Variants in NTNG1 observed in about 807,000 individuals in gnomAD.
NTNG1 encodes netrin G1.
In NTNG1, 16 loss-of-function variants were observed where a neutral mutation model predicts 54.0. The ratio of observed to expected loss-of-function variants is 0.30; its 90% CI spans 0.20 to 0.45. The LOEUF (loss-of-function observed/expected upper bound fraction) is 0.45. Among genes scored for constraint, NTNG1 ranks in the 20% least tolerant of loss-of-function variants. The pLI, the probability that NTNG1 is intolerant of heterozygous loss-of-function variation, is 1.00. For missense variants in NTNG1, 530 were observed against 678.7 expected, an observed-to-expected ratio of 0.78 and a Z score of 2.43; for synonymous variants, 255 against 263.1, an observed-to-expected ratio of 0.97 and a Z score of 0.30.
At chr1:107,176,410 C>T (rs545940930) in intron 2 of NTNG1, among the ~76,000 whole-genome samples, 3 of 152,246 alleles carry the variant, frequency 2.0e-5, no homozygotes, top group East Asian at 1.9e-4. Context: ...GGAATAAGTT[C>T]GCTGAATTAA....
intron 2 of NTNG1, among the ~76,000 whole-genome samples, chr1:107,268,743 T>G (rs1663930074): frequency 6.6e-6 from 1 of 152,186 alleles, no homozygotes; most frequent in African/African-American, 2.4e-5. Context: ...AAATGTCCAA[T>G]TCCCACCTCC....
chr1:107,289,014 C>A (rs1278471906), intron 2 of NTNG1, among the ~76,000 whole-genome samples: 1 of 152,122 alleles, frequency 6.6e-6, no homozygotes, highest in East Asian at 1.9e-4. Context: ...CCATTGACCT[C>A]ATGATTATTT....
At chr1:107,165,037 G>A (rs1208990919) in intron 2 of NTNG1, among the ~76,000 whole-genome samples, 1 of 152,084 alleles carries the variant, frequency 6.6e-6, no homozygotes, top group African/African-American at 2.4e-5. Flanking sequence ...AGTTTGGCGG[G>A]AAGGGCGGTT....
At chr1:107,248,190 G>T (rs1304177101) in intron 2 of NTNG1, among the ~76,000 whole-genome samples, 3 of 152,120 alleles carry the variant, frequency 2.0e-5, no homozygotes, top group Admixed American at 6.5e-5. Flanking sequence ...AAGTTTTCAG[G>T]CCTCTTGGCA....
Position 107,397,581 on chromosome 1 carries a change from T to C in NTNG1, c.1060+2255T>C, listed in dbSNP as rs562380459. 4.6e-5 allele frequency among the ~76,000 whole-genome samples: 7 copies of C among 152,282 alleles called. No individual in the cohort carries two copies. In the South Asian group the frequency reaches 1.2e-3, roughly 27 times the overall value. ...TTATTACCTCCTGTGGATTTTTAGA[T>C]GGTTGACTAAGCTAACGCATGTCAT... On this transcript the variant is annotated intron_variant, in intron 4 of 7. Coordinates refer to ENST00000370068, the MANE Select transcript of NTNG1 (RefSeq NM_001113226.3).
intron 3 of NTNG1, among the ~76,000 whole-genome samples, chr1:107,387,980 T>TA (rs1294995212): frequency 6.6e-6 from 1 of 152,222 alleles, no homozygotes; most frequent in African/African-American, 2.4e-5. Flanking sequence ...CCTACTTTGT[T>TA]ATATTGTCAT....
intron 3 of NTNG1, among the ~76,000 whole-genome samples, chr1:107,346,604 GA>G (rs1377401112): frequency 6.6e-6 from 1 of 152,050 alleles, no homozygotes; most frequent in Admixed American, 6.6e-5. Context: ...CAAAACAAGT[GA>G]AAAATTTATA....
At chr1:107,230,300 G>A (rs1323953984) in intron 2 of NTNG1, among the ~76,000 whole-genome samples, 1 of 152,260 alleles carries the variant, frequency 6.6e-6, no homozygotes, top group East Asian at 1.9e-4. Context: ...ATGCGGGTGG[G>A]GGAAAAGACA....
At chr1:107,441,389 G>C (rs181561175) in intron 7 of NTNG1, among the ~76,000 whole-genome samples, 1 of 152,040 alleles carries the variant, frequency 6.6e-6, no homozygotes, top group Non-Finnish European at 1.5e-5. Flanking sequence ...GAATACTAAT[G>C]GTACTTTCAG....
chr1:107,402,778 G>A (rs963917688), intron 4 of NTNG1, among the ~76,000 whole-genome samples: 1 of 152,046 alleles, frequency 6.6e-6, no homozygotes, highest in African/African-American at 2.4e-5. Context: ...CATTATCTGC[G>A]TTTTCTTCAA....
intron 2 of NTNG1, among the ~76,000 whole-genome samples, chr1:107,178,375 T>G (rs1484231048): frequency 6.6e-6 from 1 of 152,140 alleles, no homozygotes; most frequent in Non-Finnish European, 1.5e-5. Context: ...TGAGTTTTCA[T>G]TTGCCCCGTT....
At chr1:107,338,816 A>C (rs1426906041) in intron 3 of NTNG1, among the ~76,000 whole-genome samples, 1 of 151,962 alleles carries the variant, frequency 6.6e-6, no homozygotes, top group Non-Finnish European at 1.5e-5. Context: ...GCCAAGGTCA[A>C]AACTTTAAAA....
intron 3 of NTNG1, among the ~76,000 whole-genome samples, chr1:107,334,784 C>A (rs1357944535): frequency 1.3e-5 from 2 of 151,794 alleles, no homozygotes; most frequent in Non-Finnish European, 2.9e-5. Context: ...AGGCCTGGCG[C>A]ATATTAAAAG....
chr1:107,460,008 A>T (rs1194526160), intron 7 of NTNG1, among the ~76,000 whole-genome samples: 1 of 152,016 alleles, frequency 6.6e-6, no homozygotes, highest in African/African-American at 2.4e-5. Context: ...TTTTTCGCCT[A>T]ATTTCTCACT....
At chr1:107,151,145 G>A (rs1654537774) in intron 2 of NTNG1, among the ~76,000 whole-genome samples, 1 of 152,092 alleles carries the variant, frequency 6.6e-6, no homozygotes, top group Non-Finnish European at 1.5e-5. Flanking sequence ...GCATATGATA[G>A]GCATAACAAA....
chr1:107,401,132 G>C (rs1355438809), intron 4 of NTNG1, among the ~76,000 whole-genome samples: 1 of 152,054 alleles, frequency 6.6e-6, no homozygotes, highest in Non-Finnish European at 1.5e-5. Flanking sequence ...GTTCTTGGAG[G>C]AACTTTAATG....
In NTNG1 at chr1:107,301,147, T is replaced by A. The variant is rs532452870; in HGVS notation, c.247-23135T>A. On this transcript the variant is annotated intron_variant, in intron 2 of 7. Coordinates refer to ENST00000370068, the MANE Select transcript of NTNG1 (RefSeq NM_001113226.3). The stretch of plus-strand genomic sequence containing the variant: ...TGAACAAATGATTAGTATATTGCTT[T>A]AAAAAATTTAATAACAATAACAATC... Among the ~76,000 whole-genome samples the A allele has an allele frequency of 1.2e-3, 189 of 152,302 alleles. 1 individual carries two copies. Among genetic ancestry groups the A allele is most frequent in the African/African-American group, 4.4e-3 (184 of 41,578 alleles).
intron 3 of NTNG1, among the ~76,000 whole-genome samples, chr1:107,364,189 G>A (rs543016187): frequency 5.3e-4 from 80 of 152,014 alleles, no homozygotes; most frequent in Non-Finnish European, 9.0e-4. Context: ...CACACCATAC[G>A]TATTTTATAT....
At chr1:107,461,621 C>A (rs1439450064) in intron 7 of NTNG1, among the ~76,000 whole-genome samples, 1 of 151,714 alleles carries the variant, frequency 6.6e-6, no homozygotes, top group African/African-American at 2.4e-5. Context: ...GCAACCTCTG[C>A]CTCCCGGGTT....
Sources: gnomAD v4.1 joint callset for allele counts (sites outside exome capture counted in the v4.1 genomes callset) on GRCh38, gnomAD v4.1.1 for gene constraint, MANE v1.5 for transcripts, NCBI Gene and HGNC (gene_info 2026-07-23, HGNC 2026-07-21) for gene names.